Variants in GRTP1 observed in about 807,000 individuals in gnomAD.
GRTP1 encodes growth hormone regulated TBC protein 1, also known as growth hormone-regulated TBC protein 1.
Under a neutral mutation model 38.1 loss-of-function variants are expected in GRTP1, and 56 were observed. The observed-to-expected ratio is 1.47, with a 90% CI of 1.19 to 1.84. The LOEUF (loss-of-function observed/expected upper bound fraction) is 1.84, where lower values mean the gene tolerates loss of function less well. Among genes scored for constraint, GRTP1 ranks in the 40% most tolerant of loss-of-function variants. The probability of loss-of-function intolerance (pLI) is 0.00; values close to 1 mark genes in which losing one functional copy is unlikely to be tolerated. For synonymous variants in GRTP1, 217 were observed against 189.5 expected, an observed-to-expected ratio of 1.14 and a Z score of -1.19; for missense variants, 506 against 453.9, an observed-to-expected ratio of 1.11 and a Z score of -1.04.
chr13:113,347,657 T>C (rs9549743), intron 4 of GRTP1, among the ~76,000 whole-genome samples: 9 of 14,674 alleles, frequency 6.1e-4, no homozygotes, highest in African/African-American at 1.3e-3. Context: ...GCTGAGCAGA[T>C]CTGGGAGGAC....
intron 4 of GRTP1, among the ~76,000 whole-genome samples, chr13:113,347,519 CACCTCTGTGGCTGAGCGGATCCGGGAGG>C (rs2043176305): frequency 1.7e-4 from 6 of 34,454 alleles, no homozygotes; most frequent in East Asian, 4.7e-4. Flanking sequence ...GACCCAGGAG[CACCTCTGTGGCTGAGCGGATCCGGGAGG>C]ACCTCTGTGG....
At chr13:113,353,838 G>A (rs2043330745) in intron 3 of GRTP1, among the ~76,000 whole-genome samples, 1 of 152,218 alleles carries the variant, frequency 6.6e-6, no homozygotes, top group Non-Finnish European at 1.5e-5. Flanking sequence ...GGGAGGTGAA[G>A]GAGGGCGAAT....
Position 113,355,338 on chromosome 13 carries a change from C to T in GRTP1, c.325G>A (p.Asp109Asn), listed in dbSNP as rs1388748641. The change falls in exon 3 of 8, where the codon GAC becomes AAC. Residue 109 changes from aspartate to asparagine, a missense_variant. By Grantham distance (23) the Asp-to-Asn change is conservative. Coordinates refer to ENST00000375431, the MANE Select transcript of GRTP1 (RefSeq NM_024719.4). ...ACCGCCTCACCTGTCCTGATGGCGT[C>T]CTCCAGCCTGGGGTTTCTCTCTCCC... ...LQGERNPRLE[D>N]AIRTDLNRTF... 1.9e-6 allele frequency: 3 copies of T among 1,613,950 alleles called. No homozygotes were observed. The highest frequency in any genetic ancestry group is 1.3e-5 in the African/African-American group (1 of 74,938).
chr13:113,325,792 G>A lies in GRTP1; in HGVS notation c.790C>T (p.Arg264Trp), dbSNP rs767204566. 34 of 1,613,914 alleles carry A rather than the reference G, an allele frequency of 2.1e-5. No individual in the cohort carries two copies. The highest frequency in any genetic ancestry group is 8.3e-5 in the Admixed American group (5 of 59,998). ...LFNEGSKIIFRVALTLIKQHQ... is the reference protein window; with the variant it reads ...LFNEGSKIIFWVALTLIKQHQ... Reference sequence around the variant, plus strand: ...TGCTTAATTAAGGTCAGGGCCACCCGGAAGATAATCTTCGAGCCTTCGTTA... The same window carrying A: ...TGCTTAATTAAGGTCAGGGCCACCCAGAAGATAATCTTCGAGCCTTCGTTA... The change falls in exon 7 of 8, where the codon CGG becomes TGG. Residue 264 changes from arginine to tryptophan, a missense_variant. Physicochemically the swap from Arg to Trp is moderately radical, Grantham distance 101. Coordinates refer to ENST00000375431, the MANE Select transcript of GRTP1 (RefSeq NM_024719.4).
At position 113,344,976 on chromosome 13, in the gene GRTP1, G is replaced by A. The variant is rs2043079573; in HGVS notation, c.466-17C>T. 4 of 1,587,332 alleles carry A rather than the reference G, an allele frequency of 2.5e-6. No individual in the cohort carries two copies. Among genetic ancestry groups the A allele is most frequent in the East Asian group, 4.5e-5 (2 of 44,326 alleles). ...ATTCATTCCCTGAAATTAGAAAAAT[G>A]AGAAACAAATTCACATTGAGTTTTA... is the stretch of plus-strand genomic sequence containing the variant. On this transcript the variant is annotated splice_polypyrimidine_tract_variant and intron_variant, in intron 4 of 7. Transcript: ENST00000375431.
intron 2 of GRTP1, among the ~76,000 whole-genome samples, chr13:113,358,562 T>C (rs1415487122): frequency 6.6e-6 from 1 of 152,216 alleles, no homozygotes; most frequent in Non-Finnish European, 1.5e-5. Flanking sequence ...TTTTATGCTT[T>C]ACTATAAACC....
chr13:113,354,541 T>C (rs1566439727), intron 3 of GRTP1, among the ~76,000 whole-genome samples: 2 of 152,092 alleles, frequency 1.3e-5, no homozygotes, highest in Non-Finnish European at 1.5e-5. Flanking sequence ...ATTTTTTTTT[T>C]TTTTGAGATG....
At chr13:113,358,571 C>T (rs1029639732) in intron 2 of GRTP1, among the ~76,000 whole-genome samples, 2 of 152,122 alleles carry the variant, frequency 1.3e-5, no homozygotes, top group Admixed American at 6.5e-5. Context: ...TTACTATAAA[C>T]CTACAGTAAG....
intron 7 of GRTP1, 192 bp from the exon 8 acceptor site, chr13:113,324,769 C>T: frequency 7.4e-7 from 1 of 1,347,410 alleles, no homozygotes; most frequent in Non-Finnish European, 9.5e-7. Flanking sequence ...TGCAGCTTTG[C>T]TGCTCAGAAA....
rs1411856747 is a variant in GRTP1 at position 113,324,456 on chromosome 13, GT to G, written c.*31del. 6.4e-7 allele frequency: 1 copy of G among 1,574,156 alleles called. No homozygotes were observed. Among genetic ancestry groups the G allele is most frequent in the South Asian group, 1.2e-5 (1 of 85,846 alleles). On this transcript the variant is annotated 3_prime_UTR_variant, in exon 8 of 8. Transcript: ENST00000375431. Reference sequence around the variant, plus strand: ...AACTCTGGAAAGGGGCATCGTCAGTGTAGAGACGAGCAACGCAGGGGACAGG... The same window carrying G: ...AACTCTGGAAAGGGGCATCGTCAGTGAGAGACGAGCAACGCAGGGGACAGG...
chr13:113,347,506 G>A (rs1481916807), intron 4 of GRTP1, among the ~76,000 whole-genome samples: 12 of 49,638 alleles, frequency 2.4e-4, no homozygotes, highest in African/African-American at 5.2e-4. Context: ...GTGGCCGAGA[G>A]CGGACCCAGG....
chr13:113,340,382 G>C (rs1875903946), intron 5 of GRTP1, among the ~76,000 whole-genome samples: 1 of 151,046 alleles, frequency 6.6e-6, no homozygotes, highest in African/African-American at 2.4e-5. Flanking sequence ...AGAAGACTGA[G>C]GTGGGAGGAT....
In GRTP1 at chr13:113,348,408, G is replaced by A. The variant is rs542056894; in HGVS notation, c.465+2441C>T. Among the ~76,000 whole-genome samples the A allele has an allele frequency of 4.6e-5, 7 of 152,230 alleles. No individual in the cohort carries two copies. The highest frequency in any genetic ancestry group is 3.9e-4 in the East Asian group (2 of 5,172). Reference sequence around the variant, plus strand: ...TGAGGCTGCAGTGAGCCGAGATCACGCCACTGCACTCCAGCCTGGGTGACA... The same window carrying A: ...TGAGGCTGCAGTGAGCCGAGATCACACCACTGCACTCCAGCCTGGGTGACA... On this transcript the variant is annotated intron_variant, in intron 4 of 7. Transcript: ENST00000375431. The surrounding 1 kb of genome is among the most constrained non-coding windows in gnomAD (Gnocchi z 4.8).
chr13:113,359,854 GAAGA>G (rs1281692962), intron 2 of GRTP1: 1 of 152,212 alleles, frequency 6.6e-6, no homozygotes, highest in Non-Finnish European at 1.5e-5. Context: ...TTTCTTTATA[GAAGA>G]AAGAAAATTG....
intron 3 of GRTP1, among the ~76,000 whole-genome samples, chr13:113,352,256 A>ATATATATT (rs2043283521): frequency 4.1e-5 from 2 of 48,656 alleles, no homozygotes; most frequent in African/African-American, 1.5e-4. Flanking sequence ...ATATATATTT[A>ATATATATT]TATATTTTTA....
intron 3 of GRTP1, among the ~76,000 whole-genome samples, chr13:113,353,033 G>C (rs1350212775): frequency 1.3e-5 from 2 of 150,858 alleles, no homozygotes; most frequent in Non-Finnish European, 3.0e-5. Flanking sequence ...CCACACTCTG[G>C]GTAGGAACCC....
chr13:113,324,312 A>C lies in GRTP1; in HGVS notation c.*176T>G. On this transcript the variant is annotated 3_prime_UTR_variant, in exon 8 of 8. Transcript: ENST00000375431. Reference sequence around the variant, plus strand: ...AAGTATGACTTCATAGCTAATCATCAAAAGCTGGTAGAATGACCTGATTTT... The same window carrying C: ...AAGTATGACTTCATAGCTAATCATCCAAAGCTGGTAGAATGACCTGATTTT... 1.0e-6 allele frequency: 1 copy of C among 952,936 alleles called. No homozygotes were observed. The highest frequency in any genetic ancestry group is 3.1e-5 in the East Asian group (1 of 31,800). The allele number at this position is 952,936 out of a possible 1,614,324, so 59.0% of individuals were successfully genotyped here. A position where few individuals can be genotyped will look rare whatever the true frequency, so the allele number is the denominator to read the frequency against.
At chr13:113,360,277 G>GAT (rs887853408) in intron 2 of GRTP1, 2 of 152,116 alleles carry the variant, frequency 1.3e-5, no homozygotes, top group African/African-American at 4.8e-5. Flanking sequence ...GCTCCTGGTG[G>GAT]ATATTTGCTA....
In GRTP1 at chr13:113,325,814, G is replaced by GT. The variant is rs1566410376; in HGVS notation, c.767dup (p.Asn256LysfsTer16). Reference sequence around the variant, plus strand: ...CCCGGAAGATAATCTTCGAGCCTTCGTTAAACAAACAGTCCCAGATCCGAA... The same window carrying GT: ...CCCGGAAGATAATCTTCGAGCCTTCGTTTAAACAAACAGTCCCAGATCCGAA... On this transcript the variant is annotated frameshift_variant, in exon 7 of 8. Coordinates refer to ENST00000375431, the MANE Select transcript of GRTP1 (RefSeq NM_024719.4). LOFTEE classifies it high-confidence loss of function. The GT allele has an allele frequency of 3.1e-6, 5 of 1,614,072 alleles. 1 individual carries two copies. The South Asian group carries it at 5.5e-5, about 18-fold the overall frequency.
Sources: gnomAD v4.1 joint callset for allele counts (sites outside exome capture counted in the v4.1 genomes callset) on GRCh38, gnomAD v4.1.1 for gene constraint, Gnocchi (gnomAD v3.1) non-coding constraint, MANE v1.5 for transcripts, NCBI Gene and HGNC (gene_info 2026-07-23, HGNC 2026-07-21) for gene names.